ARHGEF4: variants seen among roughly 807,000 people sequenced by gnomAD.
ARHGEF4 encodes the protein Rho guanine nucleotide exchange factor 4.
In ARHGEF4, 119 loss-of-function variants were observed where a neutral mutation model predicts 162.0. That is an observed-to-expected ratio of 0.73 (90% confidence interval 0.63 to 0.86). The LOEUF is 0.86. Among genes scored for constraint, ARHGEF4 ranks in the 40% least tolerant of loss-of-function variants. The pLI is 0.00. For missense variants in ARHGEF4, 2,488 were observed against 2,456.0 expected, an observed-to-expected ratio of 1.01 and a Z score of -0.28; for synonymous variants, 1,014 against 979.9, an observed-to-expected ratio of 1.03 and a Z score of -0.65.
At chr2:131,008,073 A>G (rs747274247) in intron 4 of ARHGEF4, among the ~76,000 whole-genome samples, 14 of 152,056 alleles carry the variant, frequency 9.2e-5, no homozygotes, top group Non-Finnish European at 2.1e-4. Flanking sequence ...TCAGGCTCCC[A>G]AAGTGTCAAG....
At chr2:130,993,858 A>G (rs1419715988) in intron 4 of ARHGEF4, among the ~76,000 whole-genome samples, 1 of 152,006 alleles carries the variant, frequency 6.6e-6, no homozygotes, top group Non-Finnish European at 1.5e-5. Flanking sequence ...CTTGGCTGTC[A>G]CTGCAGCCTC....
intron 8 of ARHGEF4, 59 bp downstream of exon 8, chr2:131,040,499 CGCCAGCGCGGACAGCGGGT>C: frequency 2.7e-6 from 4 of 1,474,234 alleles, no homozygotes; most frequent in Middle Eastern, 2.1e-4. Flanking sequence ...CTGCCGCGGG[CGCCAGCGCGGACAGCGGGT>C]GGCTGGTCCC....
chr2:130,845,810 G>C (rs1230716499), intron 1 of ARHGEF4, among the ~76,000 whole-genome samples: 3 of 152,206 alleles, frequency 2.0e-5, no homozygotes, highest in Admixed American at 2.0e-4. Context: ...ACATCAGGCC[G>C]GATGGGCCTC....
intron 4 of ARHGEF4, among the ~76,000 whole-genome samples, chr2:130,974,979 A>G (rs912339294): frequency 2.6e-5 from 4 of 152,166 alleles, no homozygotes; most frequent in Non-Finnish European, 5.9e-5. Context: ...ATTTGATACT[A>G]AAGTTCTTTT....
chr2:131,025,089 G>T (rs1017698909), intron 4 of ARHGEF4, among the ~76,000 whole-genome samples: 2 of 152,066 alleles, frequency 1.3e-5, no homozygotes, highest in African/African-American at 2.4e-5. Context: ...CTGAGACTGG[G>T]TAATTTATGA....
chr2:130,921,802 C>G (rs1450850406), intron 2 of ARHGEF4, among the ~76,000 whole-genome samples: 1 of 152,010 alleles, frequency 6.6e-6, no homozygotes, highest in Non-Finnish European at 1.5e-5. Flanking sequence ...AGCAATTCTC[C>G]TGCCTCAGCC....
chr2:130,977,933 C>T (rs1353044600), intron 4 of ARHGEF4, among the ~76,000 whole-genome samples: 1 of 152,114 alleles, frequency 6.6e-6, no homozygotes, highest in Non-Finnish European at 1.5e-5. Flanking sequence ...ATCTCCCTGA[C>T]CAACTAAAAC....
chr2:131,032,287 C>T (rs1282248914), intron 5 of ARHGEF4, among the ~76,000 whole-genome samples: 1 of 151,968 alleles, frequency 6.6e-6, no homozygotes, highest in African/African-American at 2.4e-5. Flanking sequence ...TCCTGGCATT[C>T]TCCATGAGAC....
chr2:130,956,810 G>T (rs1684307472), intron 4 of ARHGEF4, among the ~76,000 whole-genome samples: 1 of 121,030 alleles, frequency 8.3e-6, no homozygotes, highest in African/African-American at 3.1e-5. Context: ...ACACTCAGGG[G>T]ACTGTCGTGG....
chr2:130,967,969 A>G (rs180736051), intron 4 of ARHGEF4, among the ~76,000 whole-genome samples: 5 of 152,146 alleles, frequency 3.3e-5, no homozygotes, highest in Admixed American at 6.5e-5. Context: ...TGCCAACCAG[A>G]TAAGTTCCCC....
At chr2:130,873,803 G>C (rs1175633905) in intron 1 of ARHGEF4, among the ~76,000 whole-genome samples, 1 of 152,024 alleles carries the variant, frequency 6.6e-6, no homozygotes, top group Non-Finnish European at 1.5e-5. Flanking sequence ...ATACTGTCTT[G>C]GATTTCCAGG....
At chr2:131,012,564 G>GTGTA (rs1170398336) in intron 4 of ARHGEF4, among the ~76,000 whole-genome samples, 1 of 142,226 alleles carries the variant, frequency 7.0e-6, no homozygotes, top group African/African-American at 2.6e-5. Context: ...CAGGACTTTT[G>GTGTA]TGTGTGTGTG....
intron 1 of ARHGEF4, among the ~76,000 whole-genome samples, chr2:130,903,729 CTGTG>C (rs1198407667): frequency 1.3e-5 from 2 of 152,200 alleles, no homozygotes; most frequent in Non-Finnish European, 2.9e-5. Context: ...GTGATTGTGC[CTGTG>C]TGTACCTAGT....
intron 2 of ARHGEF4, among the ~76,000 whole-genome samples, chr2:130,923,756 A>T (rs1682041732): frequency 6.6e-6 from 1 of 152,192 alleles, no homozygotes; most frequent in Non-Finnish European, 1.5e-5. Flanking sequence ...GTCTCAACTG[A>T]TGAGGAAGCC....
Position 130,916,546 on chromosome 2 carries a change from G to A in ARHGEF4, c.2600G>A (p.Arg867Lys), listed in dbSNP as rs373391083. Reference protein sequence around the residue: ...PEFVPQAAGDRTAGPAGAGHT... With the variant: ...PEFVPQAAGDKTAGPAGAGHT... ...TTTGTCCCGCAGGCTGCAGGCGACA[G>A]GACTGCAGGGCCGGCAGGAGCGGGG... Residue 867 changes from arginine (R) to lysine (K), a missense_variant, in exon 2 of 14, where the codon AGG (arginine) becomes AAG (lysine). Physicochemically the swap from Arg to Lys is conservative, Grantham distance 26 (BLOSUM62 2). This residue lies in a region of ARHGEF4 where 1,642 missense variants were observed against 1,481.5 expected (regional missense o/e 1.11). Coordinates refer to ENST00000409359, the MANE Select transcript of ARHGEF4 (RefSeq NM_001367493.1). 4.5e-6 allele frequency: 7 copies of A among 1,550,246 alleles called. No homozygotes were observed. The highest frequency in any genetic ancestry group is 2.7e-5 in the African/African-American group (2 of 73,180).
chr2:130,912,179 G>A (rs754555706), intron 1 of ARHGEF4, among the ~76,000 whole-genome samples: 2 of 152,208 alleles, frequency 1.3e-5, no homozygotes, highest in Non-Finnish European at 2.9e-5. Context: ...TTGTCCGGGC[G>A]TGCTCATGTC....
At chr2:131,034,909 C>T in intron 5 of ARHGEF4, 1 of 911,866 alleles carries the variant, frequency 1.1e-6, no homozygotes, top group Non-Finnish European at 1.3e-6. Context: ...GCACAGCCGG[C>T]TTGGTTGCCA....
intron 5 of ARHGEF4, among the ~76,000 whole-genome samples, chr2:131,036,322 A>C (rs2105393070): frequency 6.6e-6 from 1 of 152,294 alleles, no homozygotes; most frequent in South Asian, 2.1e-4. Context: ...GTACCTCCCG[A>C]GTGGGAGGCT....
intron 3 of ARHGEF4, among the ~76,000 whole-genome samples, chr2:130,942,709 A>C (rs969894124): frequency 3.3e-5 from 5 of 152,180 alleles, no homozygotes; most frequent in African/African-American, 1.2e-4. Context: ...TTAATTTCTA[A>C]ATAGATTAGG....
Sources: allele counts gnomAD v4.1 joint callset (sites outside exome capture counted in the v4.1 genomes callset), GRCh38; gene constraint gnomAD v4.1.1; regional missense constraint gnomAD v4.1.1; transcripts MANE v1.5; gene names NCBI Gene and HGNC (gene_info 2026-07-23, HGNC 2026-07-21).